RERE: variants seen among roughly 807,000 people sequenced by gnomAD.
The protein encoded by RERE is arginine-glutamic acid dipeptide repeats protein.
RERE carries 40 observed loss-of-function variants against 146.1 expected under a neutral mutation model. The ratio of observed to expected loss-of-function variants is 0.27; its 90% CI spans 0.21 to 0.36. RERE has a LOEUF of 0.36. Among genes scored for constraint, RERE ranks in the 10% least tolerant of loss-of-function variants. The pLI is 1.00. For synonymous variants in RERE, 1,003 were observed against 866.0 expected, an observed-to-expected ratio of 1.16 and a Z score of -2.78; for missense variants, 1,933 against 2,138.7, an observed-to-expected ratio of 0.90 and a Z score of 1.90.
chr1:8,623,129 ATTGT>A (rs1221703808), intron 3 of RERE, among the ~76,000 whole-genome samples: 1 of 152,154 alleles, frequency 6.6e-6, no homozygotes, highest in East Asian at 1.9e-4. Context: ...TCAAATACCA[ATTGT>A]TTGAGGAAAA....
chr1:8,566,146 T>C (rs1431873344), intron 4 of RERE, among the ~76,000 whole-genome samples: 1 of 152,196 alleles, frequency 6.6e-6, no homozygotes, highest in Non-Finnish European at 1.5e-5. Flanking sequence ...TATTTTAGTG[T>C]AGCGCTGGAA....
intron 4 of RERE, among the ~76,000 whole-genome samples, chr1:8,558,890 G>C (rs1646038686): frequency 6.7e-6 from 1 of 149,652 alleles, no homozygotes. Flanking sequence ...CCACCTCCTA[G>C]GTTCAAACGA....
intron 6 of RERE, among the ~76,000 whole-genome samples, chr1:8,544,423 G>T (rs896916285): frequency 6.6e-6 from 1 of 151,998 alleles, no homozygotes; most frequent in South Asian, 2.1e-4. Flanking sequence ...TAAACAAATC[G>T]TATATATGTA....
intron 1 of RERE, among the ~76,000 whole-genome samples, chr1:8,737,526 A>C (rs1640224784): frequency 6.6e-6 from 1 of 152,198 alleles, no homozygotes; most frequent in East Asian, 1.9e-4. Context: ...TGCAAGTTGA[A>C]GAGAACTCAC....
chr1:8,606,549 T>A (rs1279529108), intron 4 of RERE, among the ~76,000 whole-genome samples: 1 of 152,230 alleles, frequency 6.6e-6, no homozygotes, highest in African/African-American at 2.4e-5. Flanking sequence ...CTATTAAGTT[T>A]TAATCAAGCT....
intron 1 of RERE, among the ~76,000 whole-genome samples, chr1:8,755,467 G>A (rs1233820244): frequency 6.6e-6 from 1 of 151,826 alleles, no homozygotes; most frequent in East Asian, 1.9e-4. Flanking sequence ...AAGTTGGGGG[G>A]CCTTCTTTAA....
At chr1:8,763,289 T>C (rs1640788363) in intron 1 of RERE, among the ~76,000 whole-genome samples, 1 of 151,880 alleles carries the variant, frequency 6.6e-6, no homozygotes, top group Non-Finnish European at 1.5e-5. Flanking sequence ...TCTTGAAAAC[T>C]AAAAGAAAAA....
At chr1:8,583,059 G>T (rs992239103) in intron 4 of RERE, among the ~76,000 whole-genome samples, 3 of 152,116 alleles carry the variant, frequency 2.0e-5, no homozygotes, top group Non-Finnish European at 1.5e-5. Context: ...CTCCCTCATG[G>T]TTTATACAGG....
chr1:8,358,539 T>C lies in RERE; in HGVS notation c.3996A>G (p.Pro1332=), dbSNP rs140019388. 1,253 of 1,602,774 alleles carry C rather than the reference T, an allele frequency of 7.8e-4. 16 individuals carry two copies. In the African/African-American group the frequency reaches 0.015, roughly 19 times the overall value. ...CGGCTGGGTGCAGGGGGTCCAGCTC[T>C]GGGGGCTTCACCTCGAAGCCCGGCT... is the stretch of plus-strand genomic sequence containing the variant. ...RMKPGFEVKP[P]ELDPLHPAAN... is the part of the protein sequence containing the mutation. The change falls in exon 20 of 23, where the codon CCA becomes CCG. Residue 1332 remains proline (P), a synonymous_variant. Coordinates refer to ENST00000400908, the MANE Select transcript of RERE (RefSeq NM_001042681.2).
intron 1 of RERE, among the ~76,000 whole-genome samples, chr1:8,705,318 C>G (rs544957812): frequency 1.3e-5 from 2 of 152,150 alleles, no homozygotes; most frequent in Admixed American, 6.5e-5. Flanking sequence ...CCCAGCCCCC[C>G]ACTTTGCAGT....
intron 7 of RERE, among the ~76,000 whole-genome samples, chr1:8,522,396 A>G (rs1193489650): frequency 6.6e-6 from 1 of 152,260 alleles, no homozygotes; most frequent in Non-Finnish European, 1.5e-5. Flanking sequence ...TTTGGTATGA[A>G]TATGTTGAAT....
chr1:8,805,628 G>A (rs1376243890), intron 1 of RERE, among the ~76,000 whole-genome samples: 8 of 138,642 alleles, frequency 5.8e-5, no homozygotes, highest in African/African-American at 1.6e-4. Context: ...TACCCTGGGC[G>A]ATAAGAGTGA....
rs58993452 is a variant in RERE at position 8,789,282 on chromosome 1, C to CAAAAAAAAAAAAAAAAA, written c.-145+27861_-145+27877dup. 2.1e-4 allele frequency among the ~76,000 whole-genome samples: 8 copies of CAAAAAAAAAAAAAAAAA among 38,496 alleles called. 1 individual carries two copies. The highest frequency in any genetic ancestry group is 2.1e-4 in the Non-Finnish European group (5 of 23,862). The allele number at this position is 38,496 out of a possible 152,430, so 25.3% of individuals were successfully genotyped here. On this transcript the variant is annotated intron_variant, in intron 1 of 22. Transcript: ENST00000400908. ...CAACACAGCAAGACCTCCTCTCTAC[C>CAAAAAAAAAAAAAAAAA]AAAAAAAAAAAAAAAAAAAATATAT...
intron 15 of RERE, among the ~76,000 whole-genome samples, chr1:8,363,121 C>A (rs1296225244): frequency 6.6e-6 from 1 of 152,246 alleles, no homozygotes; most frequent in Non-Finnish European, 1.5e-5. Flanking sequence ...ACAACGTGTG[C>A]TGGAAATGAA....
chr1:8,576,571 T>C (rs1646297635), intron 4 of RERE, among the ~76,000 whole-genome samples: 1 of 152,230 alleles, frequency 6.6e-6, no homozygotes, highest in Non-Finnish European at 1.5e-5. Flanking sequence ...GTTGTATCTA[T>C]ACCTCATACT....
intron 1 of RERE, among the ~76,000 whole-genome samples, chr1:8,794,423 C>G (rs577023815): frequency 6.7e-6 from 1 of 149,538 alleles, no homozygotes; most frequent in Admixed American, 6.7e-5. Flanking sequence ...AACTCTGGCT[C>G]TCTCTACATC....
At chr1:8,507,562 CCAT>C (rs1407468814) in intron 8 of RERE, among the ~76,000 whole-genome samples, 2 of 151,760 alleles carry the variant, frequency 1.3e-5, no homozygotes, top group South Asian at 2.1e-4. Context: ...GCGCACACCA[CCAT>C]GACCAGCTAA....
chr1:8,714,709 G>C (rs967865918), intron 1 of RERE, among the ~76,000 whole-genome samples: 15 of 152,072 alleles, frequency 9.9e-5, no homozygotes, highest in African/African-American at 3.6e-4. Flanking sequence ...TAGCACCAAG[G>C]CTGATCTATA....
At position 8,610,523 on chromosome 1, in the gene RERE, A is replaced by C. The variant is rs1234488890; in HGVS notation, c.522+4038T>G. 3.3e-5 allele frequency among the ~76,000 whole-genome samples: 5 copies of C among 152,064 alleles called. No homozygotes were observed. In the East Asian group the frequency reaches 9.7e-4, roughly 29 times the overall value. ...AGAATCGCTTGAACCCGGGAGGCAG[A>C]GGTGCAATGAGCCAAGACCGCACCA... On this transcript the variant is annotated intron_variant, in intron 4 of 22. Coordinates refer to ENST00000400908, the MANE Select transcript of RERE (RefSeq NM_001042681.2).
Sources: allele counts gnomAD v4.1 joint callset (sites outside exome capture counted in the v4.1 genomes callset), GRCh38; gene constraint gnomAD v4.1.1; transcripts MANE v1.5; gene names NCBI Gene and HGNC (gene_info 2026-07-23, HGNC 2026-07-21).